Variants in GLIS3 observed in about 807,000 individuals in gnomAD.
GLIS3 encodes zinc finger protein GLIS3.
GLIS3 carries 53 observed loss-of-function variants against 78.6 expected under a neutral mutation model. The ratio of observed to expected loss-of-function variants is 0.67; its 90% confidence interval spans 0.54 to 0.85. The LOEUF (loss-of-function observed/expected upper bound fraction) is 0.85. GLIS3 is among the 40% of genes least tolerant of loss of function. The pLI, the probability that GLIS3 is intolerant of heterozygous loss-of-function variation, is 0.00. For missense variants in GLIS3, 1,703 were observed against 1,231.1 expected, an observed-to-expected ratio of 1.38 and a Z score of -5.74; for synonymous variants, 684 against 509.9, an observed-to-expected ratio of 1.34 and a Z score of -4.60.
the GLIS3 span, among the ~76,000 whole-genome samples, chr9:4,444,704 G>C: frequency 7.6e-4 from 116 of 152,332 alleles, 2 homozygotes; most frequent in South Asian, 0.023. Context: ...CAAAGCCCCT[G>C]GGGTATATGG....
intron 4 of GLIS3, among the ~76,000 whole-genome samples, chr9:3,955,290 C>G (rs1339364767): frequency 6.6e-6 from 1 of 152,160 alleles, no homozygotes; most frequent in African/African-American, 2.4e-5. Context: ...ACATTGAAAG[C>G]TGAAGGTCAA....
chr9:4,088,144 G>A (rs575049856), intron 4 of GLIS3, among the ~76,000 whole-genome samples: 6 of 152,230 alleles, frequency 3.9e-5, no homozygotes, highest in African/African-American at 1.2e-4. Context: ...AAGGGAGAAA[G>A]AATAAAGAAG....
At chr9:4,344,563 G>A (rs191286836) in intron 2 of GLIS3, among the ~76,000 whole-genome samples, 2 of 152,214 alleles carry the variant, frequency 1.3e-5, no homozygotes, top group East Asian at 3.9e-4. Flanking sequence ...CACTCCCTGG[G>A]TGTTCTCATC....
chr9:4,345,647 G>C (rs1469895770), intron 2 of GLIS3, among the ~76,000 whole-genome samples: 1 of 152,094 alleles, frequency 6.6e-6, no homozygotes. Context: ...GTAGCAGATT[G>C]GATACAGAAA....
the GLIS3 span, among the ~76,000 whole-genome samples, chr9:4,455,466 G>A: frequency 2.6e-5 from 4 of 152,060 alleles, no homozygotes; most frequent in African/African-American, 9.7e-5. Flanking sequence ...CTGTACTGAG[G>A]ATCAAACAGA....
chr9:3,845,722 C>T (rs760801221), intron 9 of GLIS3, among the ~76,000 whole-genome samples: 1 of 152,176 alleles, frequency 6.6e-6, no homozygotes, highest in Non-Finnish European at 1.5e-5. Flanking sequence ...CACATACACA[C>T]GTGCATGCCC....
intron 1 of GLIS3, among the ~76,000 whole-genome samples, chr9:4,297,428 C>G (rs960814412): frequency 6.6e-6 from 1 of 152,202 alleles, no homozygotes; most frequent in African/African-American, 2.4e-5. Context: ...TTAATAGTCT[C>G]TCCTCGAGAT....
At chr9:4,032,109 A>T (rs536460149) in intron 4 of GLIS3, among the ~76,000 whole-genome samples, 15 of 152,232 alleles carry the variant, frequency 9.9e-5, no homozygotes, top group Admixed American at 8.5e-4. Context: ...ACCAAGTGAG[A>T]CCCACCGTCA....
At chr9:4,193,016 G>A (rs1030547668) in intron 2 of GLIS3, among the ~76,000 whole-genome samples, 1 of 152,174 alleles carries the variant, frequency 6.6e-6, no homozygotes, top group Non-Finnish European at 1.5e-5. Context: ...GATCATGAGG[G>A]AATCAATAAG....
intron 2 of GLIS3, among the ~76,000 whole-genome samples, chr9:4,344,486 C>T (rs1201422277): frequency 6.6e-6 from 1 of 152,232 alleles, no homozygotes; most frequent in Non-Finnish European, 1.5e-5. Flanking sequence ...CTCCTCCTCT[C>T]ACCTCTAAGT....
the GLIS3 span, among the ~76,000 whole-genome samples, chr9:4,373,998 C>T: frequency 6.6e-6 from 1 of 152,140 alleles, no homozygotes; most frequent in Non-Finnish European, 1.5e-5. Context: ...GACTATTGAA[C>T]AATTTACTTC....
At chr9:3,865,767 T>G (rs1820534463) in intron 8 of GLIS3, among the ~76,000 whole-genome samples, 1 of 152,224 alleles carries the variant, frequency 6.6e-6, no homozygotes, top group Admixed American at 6.5e-5. Flanking sequence ...ATAAAGATGG[T>G]TGATTTGGCT....
chr9:3,937,055 G>C lies in GLIS3; in HGVS notation c.1845C>G (p.Ala615=). The C allele has an allele frequency of 6.2e-7, 1 of 1,613,320 alleles. No individual in the cohort carries two copies. The highest frequency in any genetic ancestry group is 2.2e-5 in the East Asian group (1 of 44,886). ...QKAFSNSSDR[A]KHQRTHLDTK... Reference sequence around the variant, plus strand: ...TGTCCAGATGCGTCCGCTGGTGTTTGGCGCGGTCACTGGAGTTACTGAAGG... The same window carrying C: ...TGTCCAGATGCGTCCGCTGGTGTTTCGCGCGGTCACTGGAGTTACTGAAGG... The change falls in exon 5 of 11, where the codon GCC becomes GCG. Residue 615 remains alanine, a synonymous_variant. Transcript: ENST00000381971.
intron 9 of GLIS3, among the ~76,000 whole-genome samples, chr9:3,829,793 C>CCTGA (rs1563755241): frequency 1.3e-5 from 2 of 152,040 alleles, no homozygotes; most frequent in African/African-American, 4.8e-5. Context: ...ACATTCAAGG[C>CCTGA]CTGACCTTCA....
intron 4 of GLIS3, among the ~76,000 whole-genome samples, chr9:3,975,596 C>T (rs980357293): frequency 7.3e-5 from 11 of 151,036 alleles, no homozygotes; most frequent in African/African-American, 2.2e-4. Flanking sequence ...CAAAAAGTAC[C>T]TTATAGGTGC....
chr9:4,261,171 T>C (rs868323867), intron 2 of GLIS3, among the ~76,000 whole-genome samples: 2 of 152,180 alleles, frequency 1.3e-5, no homozygotes, highest in Non-Finnish European at 2.9e-5. Flanking sequence ...AATTCATTCA[T>C]AGGATCATCT....
At chr9:4,421,766 G>T in the GLIS3 span, among the ~76,000 whole-genome samples, 2 of 152,184 alleles carry the variant, frequency 1.3e-5, no homozygotes, top group African/African-American at 4.8e-5. Flanking sequence ...TATGTAAAGA[G>T]TACCAACTAT....
intron 7 of GLIS3, among the ~76,000 whole-genome samples, chr9:3,892,271 T>C (rs1822515183): frequency 6.6e-6 from 1 of 151,952 alleles, no homozygotes; most frequent in African/African-American, 2.4e-5. Context: ...GCCTGGAAAT[T>C]TAGGTAGAAA....
intron 4 of GLIS3, among the ~76,000 whole-genome samples, chr9:3,944,368 G>C (rs1269618603): frequency 6.6e-6 from 1 of 152,188 alleles, no homozygotes; most frequent in Non-Finnish European, 1.5e-5. Flanking sequence ...ACTGGGAAAA[G>C]AACATTCACA....
Sources: gnomAD v4.1 joint callset for allele counts (sites outside exome capture counted in the v4.1 genomes callset) on GRCh38, gnomAD v4.1.1 for gene constraint, MANE v1.5 for transcripts, NCBI Gene and HGNC (gene_info 2026-07-23, HGNC 2026-07-21) for gene names.